Variants in AGBL4 observed in about 807,000 individuals in gnomAD.
AGBL4 encodes cytosolic carboxypeptidase 6.
Under a neutral mutation model 66.4 loss-of-function variants are expected in AGBL4, and 58 were observed. The observed-to-expected ratio is 0.87, with a 90% CI of 0.71 to 1.09. AGBL4 has a LOEUF of 1.09. AGBL4 is among the 50% of genes least tolerant of loss of function. AGBL4 has a pLI of 0.00. For missense variants in AGBL4, 579 were observed against 631.0 expected (o/e 0.92, Z 0.88); for synonymous variants, 234 against 222.9 (o/e 1.05, Z -0.44).
intron 1 of AGBL4, among the ~76,000 whole-genome samples, chr1:49,976,283 A>G (rs1658544841): frequency 6.6e-6 from 1 of 152,140 alleles, no homozygotes; most frequent in Non-Finnish European, 1.5e-5. Flanking sequence ...TATGCATAGC[A>G]CTTTTTTCAA....
chr1:48,641,669 G>T (rs1364451767), intron 8 of AGBL4, among the ~76,000 whole-genome samples: 1 of 152,168 alleles, frequency 6.6e-6, no homozygotes, highest in Non-Finnish European at 1.5e-5. Context: ...TGCTAGCACA[G>T]TGTCTCGTAC....
intron 10 of AGBL4, among the ~76,000 whole-genome samples, chr1:48,589,343 A>T (rs1481223832): frequency 6.6e-6 from 1 of 152,166 alleles, no homozygotes; most frequent in Non-Finnish European, 1.5e-5. Flanking sequence ...GCATCTTAAC[A>T]CGCAGAGAAA....
intron 6 of AGBL4, among the ~76,000 whole-genome samples, chr1:48,666,033 A>G (rs1312949729): frequency 6.6e-6 from 1 of 152,248 alleles, no homozygotes; most frequent in Non-Finnish European, 1.5e-5. Context: ...GCTAATAAAA[A>G]TCAAGCATCT....
intron 3 of AGBL4, among the ~76,000 whole-genome samples, chr1:49,658,723 C>T (rs2124481755): frequency 6.6e-6 from 1 of 152,192 alleles, no homozygotes; most frequent in South Asian, 2.1e-4. Context: ...ATGGATGAAG[C>T]TGGAAATCAT....
chr1:49,192,528 A>G (rs1023716058), intron 4 of AGBL4, among the ~76,000 whole-genome samples: 6 of 152,164 alleles, frequency 3.9e-5, no homozygotes, highest in Non-Finnish European at 8.8e-5. Context: ...CAAACTCCTG[A>G]CCTCAGGTGA....
At chr1:49,928,811 G>A (rs567472473) in intron 1 of AGBL4, among the ~76,000 whole-genome samples, 8 of 151,510 alleles carry the variant, frequency 5.3e-5, no homozygotes, top group African/African-American at 1.2e-4. Context: ...TCCCATTACC[G>A]GTATATCCTC....
chr1:49,245,704 GTA>G, intron 4 of AGBL4, 64 bp downstream of exon 4: 1 of 1,150,418 alleles, frequency 8.7e-7, no homozygotes, highest in Non-Finnish European at 1.3e-6. Flanking sequence ...TAGTAGGTGT[GTA>G]TATGTATGGG....
chr1:49,021,687 C>T (rs563668809), intron 5 of AGBL4, among the ~76,000 whole-genome samples: 1 of 152,268 alleles, frequency 6.6e-6, no homozygotes, highest in East Asian at 1.9e-4. Flanking sequence ...TTTGTCATAG[C>T]AGCCAACACT....
At chr1:49,134,039 A>G (rs1171698191) in intron 4 of AGBL4, among the ~76,000 whole-genome samples, 1 of 151,888 alleles carries the variant, frequency 6.6e-6, no homozygotes, top group African/African-American at 2.4e-5. Flanking sequence ...AGAGTCCAAA[A>G]GAGAGAAATT....
At chr1:48,699,354 T>C (rs542089983) in intron 6 of AGBL4, among the ~76,000 whole-genome samples, 1 of 152,352 alleles carries the variant, frequency 6.6e-6, no homozygotes, top group African/African-American at 2.4e-5. Flanking sequence ...TGGCACATAG[T>C]AGGCACTCAA....
At chr1:49,698,915 ACAAATTTGT>A (rs1647036900) in intron 2 of AGBL4, among the ~76,000 whole-genome samples, 2 of 152,046 alleles carry the variant, frequency 1.3e-5, no homozygotes, top group Admixed American at 1.3e-4. Flanking sequence ...ATATGTGTCT[ACAAATTTGT>A]AGTTTCAAAA....
intron 3 of AGBL4, among the ~76,000 whole-genome samples, chr1:49,460,998 T>C (rs958542241): frequency 6.6e-6 from 1 of 151,712 alleles, no homozygotes; most frequent in Non-Finnish European, 1.5e-5. Context: ...CTTTGTAGGG[T>C]ACCTGACGTT....
chr1:49,742,735 G>A (rs374365679), intron 2 of AGBL4, among the ~76,000 whole-genome samples: 110 of 151,258 alleles, frequency 7.3e-4, no homozygotes, highest in African/African-American at 2.5e-3. Context: ...CAGAGCCCTC[G>A]GAAATAATGC....
intron 6 of AGBL4, among the ~76,000 whole-genome samples, chr1:48,866,007 T>C (rs1318107841): frequency 6.6e-6 from 1 of 152,204 alleles, no homozygotes; most frequent in African/African-American, 2.4e-5. Context: ...TAAACTTTTT[T>C]TGAACTAATT....
At position 49,243,174 on chromosome 1, in the gene AGBL4, G is replaced by A. The variant is rs376521792; in HGVS notation, c.377+2596C>T. On this transcript the variant is annotated intron_variant, in intron 4 of 13. Transcript: ENST00000371839. ...TTTTCCATGACTTATTTGGAATATC[G>A]AAGGAGGTAATACCCTAGACAAGTA... is the stretch of plus-strand genomic sequence containing the variant. 7.3e-5 allele frequency among the ~76,000 whole-genome samples: 11 copies of A among 151,356 alleles called. No homozygotes were observed. The East Asian group carries it at 7.7e-4, about 11-fold the overall frequency.
At chr1:48,948,192 C>G (rs559924058) in intron 5 of AGBL4, among the ~76,000 whole-genome samples, 1 of 152,334 alleles carries the variant, frequency 6.6e-6, no homozygotes, top group Non-Finnish European at 1.5e-5. Flanking sequence ...CACAGCAAAG[C>G]CACGTCACAG....
At chr1:49,584,229 A>C (rs1644604066) in intron 3 of AGBL4, among the ~76,000 whole-genome samples, 1 of 152,232 alleles carries the variant, frequency 6.6e-6, no homozygotes, top group South Asian at 2.1e-4. Context: ...AGGAAGATTA[A>C]ATAAGAACAA....
At position 48,839,886 on chromosome 1, in the gene AGBL4, C is replaced by T. The variant is rs529512064; in HGVS notation, c.634+27305G>A. Among the ~76,000 whole-genome samples, 14 of 152,212 alleles carry T rather than the reference C, an allele frequency of 9.2e-5. No homozygotes were observed. The South Asian group carries it at 1.9e-3, about 20-fold the overall frequency. On this transcript the variant is annotated intron_variant, in intron 6 of 13. Coordinates refer to ENST00000371839, the MANE Select transcript of AGBL4 (RefSeq NM_032785.4). Reference sequence around the variant, plus strand: ...GTGTGTATCAACTGCGGCCAAATTTCTGTATGCAAGGGAGGCTTCTATGTC... The same window carrying T: ...GTGTGTATCAACTGCGGCCAAATTTTTGTATGCAAGGGAGGCTTCTATGTC...
intron 3 of AGBL4, among the ~76,000 whole-genome samples, chr1:49,681,618 C>T (rs1646694687): frequency 6.6e-6 from 1 of 152,138 alleles, no homozygotes; most frequent in South Asian, 2.1e-4. Context: ...ATAAAATGTT[C>T]AGGGTTTTAG....
Sources: gnomAD v4.1 joint callset for allele counts (sites outside exome capture counted in the v4.1 genomes callset) on GRCh38, gnomAD v4.1.1 for gene constraint, MANE v1.5 for transcripts, NCBI Gene and HGNC (gene_info 2026-07-23, HGNC 2026-07-21) for gene names.